Variants in TLK1 observed in about 807,000 individuals in gnomAD.
TLK1 encodes serine/threonine-protein kinase tousled-like 1.
Under a neutral mutation model 105.3 loss-of-function variants are expected in TLK1, and 24 were observed. That is an observed-to-expected ratio of 0.23 (90% confidence interval 0.17 to 0.32). The LOEUF is 0.32. TLK1 is among the 10% of genes least tolerant of loss of function. The pLI is 1.00. For synonymous variants in TLK1, 321 were observed against 310.4 expected (o/e 1.03, Z -0.36); for missense variants, 558 against 910.5 (o/e 0.61, Z 4.98).
intron 3 of TLK1, among the ~76,000 whole-genome samples, chr2:171,062,393 G>T (rs1687796350): frequency 1.3e-5 from 2 of 152,166 alleles, no homozygotes; most frequent in African/African-American, 4.8e-5. Flanking sequence ...TTAAATATAT[G>T]AATAACAATA....
intron 2 of TLK1, among the ~76,000 whole-genome samples, chr2:171,114,370 T>C (rs1348530076): frequency 6.6e-6 from 1 of 152,038 alleles, no homozygotes; most frequent in East Asian, 1.9e-4. Context: ...TTATCCCAGA[T>C]TATTTGGGTT....
intron 11 of TLK1, chr2:171,045,803 G>A (rs1047173763): frequency 1.2e-5 from 2 of 168,700 alleles, no homozygotes; most frequent in Admixed American, 6.3e-5. Context: ...TTCACAGGCT[G>A]AGAAAACATA....
intron 1 of TLK1, among the ~76,000 whole-genome samples, chr2:171,182,373 C>T (rs1692942319): frequency 1.3e-5 from 2 of 152,060 alleles, no homozygotes; most frequent in South Asian, 4.1e-4. Context: ...AAATTAATAC[C>T]ACCAGAAATG....
chr2:171,177,270 T>C (rs1210859174), intron 1 of TLK1, among the ~76,000 whole-genome samples: 2 of 151,910 alleles, frequency 1.3e-5, no homozygotes, highest in African/African-American at 2.4e-5. Flanking sequence ...GTCTCCAGAG[T>C]AGCTGGTACT....
At chr2:171,095,001 G>A (rs1021648622) in intron 2 of TLK1, among the ~76,000 whole-genome samples, 1 of 152,034 alleles carries the variant, frequency 6.6e-6, no homozygotes, top group Non-Finnish European at 1.5e-5. Flanking sequence ...CAAACATGCA[G>A]AAATTAAACA....
In TLK1 at chr2:171,160,704, G is replaced by A. The variant is rs1161634312; in HGVS notation, c.-276C>T. On this transcript the variant is annotated 5_prime_UTR_variant, in exon 1 of 21. Coordinates refer to ENST00000431350, the MANE Select transcript of TLK1 (RefSeq NM_012290.5). The surrounding 1 kb of genome is among the most constrained non-coding windows in gnomAD (Gnocchi z 4.4). Reference sequence around the variant, plus strand: ...GAGAGGAGGAGGAAAGGAGCGCGGCGGCGGAGGCGTCGAGGGGGTGCCAGC... The same window carrying A: ...GAGAGGAGGAGGAAAGGAGCGCGGCAGCGGAGGCGTCGAGGGGGTGCCAGC... 2 of 487,890 alleles carry A rather than the reference G, an allele frequency of 4.1e-6. No individual in the cohort carries two copies. The highest frequency in any genetic ancestry group is 4.1e-5 in the African/African-American group (2 of 49,102). 30.2% of individuals were successfully genotyped at this position (487,890 alleles called of 1,614,324 possible). A position where few individuals can be genotyped will look rare whatever the true frequency, so the allele number is the denominator to read the frequency against.
At chr2:171,063,849 G>C (rs560568539) in intron 3 of TLK1, among the ~76,000 whole-genome samples, 1 of 152,198 alleles carries the variant, frequency 6.6e-6, no homozygotes. Flanking sequence ...AGAGGGATGA[G>C]GTGGGAAGAT....
At chr2:171,116,426 C>T (rs1008186875) in intron 2 of TLK1, among the ~76,000 whole-genome samples, 1 of 152,084 alleles carries the variant, frequency 6.6e-6, no homozygotes, top group African/African-American at 2.4e-5. Context: ...ATAGGCCGAC[C>T]GTGGTGGCTC....
chr2:171,055,075 T>C lies in TLK1; in HGVS notation c.639+8A>G. 2.1e-6 allele frequency: 3 copies of C among 1,443,796 alleles called. No homozygotes were observed. The highest frequency in any genetic ancestry group is 2.7e-6 in the Non-Finnish European group (3 of 1,094,162). 89.4% of individuals were successfully genotyped at this position (1,443,796 alleles called of 1,614,324 possible). On this transcript the variant is annotated splice_region_variant and intron_variant, in intron 7 of 20. Transcript: ENST00000431350. The stretch of plus-strand genomic sequence containing the variant: ...GCCATAGAAAAAAACATTTTAATTA[T>C]CATTTACCTGAATAATTTTAAAGGA...
chr2:171,035,255 T>C (rs1017212091), intron 11 of TLK1, among the ~76,000 whole-genome samples: 2 of 151,918 alleles, frequency 1.3e-5, no homozygotes, highest in African/African-American at 2.4e-5. Context: ...GGAAGGAGAA[T>C]TGCTTGAACC....
chr2:171,005,009 C>T (rs1157727062), intron 18 of TLK1, among the ~76,000 whole-genome samples: 1 of 152,222 alleles, frequency 6.6e-6, no homozygotes, highest in Non-Finnish European at 1.5e-5. Flanking sequence ...GAAATCTATA[C>T]AGACAGTGGC....
At chr2:171,173,210 T>C (rs986657208) in intron 1 of TLK1, among the ~76,000 whole-genome samples, 2 of 152,198 alleles carry the variant, frequency 1.3e-5, no homozygotes, top group African/African-American at 4.8e-5. Flanking sequence ...ACTTGTATGC[T>C]CACTATTATT....
At chr2:171,165,738 C>G (rs1692595976), upstream of TLK1, among the ~76,000 whole-genome samples, 1 of 152,070 alleles carries the variant, frequency 6.6e-6, no homozygotes, top group African/African-American at 2.4e-5. Flanking sequence ...TGGTGAAGCC[C>G]CATCTCTACT....
At chr2:171,202,770 C>T (rs980451439) in intron 1 of TLK1, among the ~76,000 whole-genome samples, 3 of 151,994 alleles carry the variant, frequency 2.0e-5, no homozygotes, top group Admixed American at 6.6e-5. Context: ...CAAAACAAAA[C>T]AAAACAAAAA....
chr2:171,088,516 A>C (rs961184581), intron 2 of TLK1, among the ~76,000 whole-genome samples: 2 of 152,248 alleles, frequency 1.3e-5, no homozygotes, highest in Non-Finnish European at 2.9e-5. Flanking sequence ...ATCAAGCACA[A>C]TGGCTTAAAG....
At chr2:171,049,178 T>C (rs931801171) in intron 10 of TLK1, among the ~76,000 whole-genome samples, 1 of 152,188 alleles carries the variant, frequency 6.6e-6, no homozygotes, top group Non-Finnish European at 1.5e-5. Flanking sequence ...CTGGGTACTA[T>C]GCTCACTACC....
At chr2:171,106,746 C>G (rs980106591) in intron 2 of TLK1, among the ~76,000 whole-genome samples, 2 of 152,158 alleles carry the variant, frequency 1.3e-5, no homozygotes, top group Non-Finnish European at 2.9e-5. Flanking sequence ...ATTAATACTG[C>G]ATCTCACAAG....
intron 11 of TLK1, among the ~76,000 whole-genome samples, chr2:171,035,747 G>A (rs1686298083): frequency 6.6e-6 from 1 of 152,178 alleles, no homozygotes; most frequent in African/African-American, 2.4e-5. Context: ...CAGAGGGAAG[G>A]GGAGGCAGTG....
chr2:171,011,380 A>G lies in TLK1; in HGVS notation c.1409T>C (p.Val470Ala). ...HLLGRGGFSE[V>A]YKAFDLYEQR... ...GAATAAAACATACATTACCTTATAC[A>G]CTTCACTAAAGCCACCTCTACCAAG... Residue 470 changes from valine to alanine, a missense_variant, in exon 14 of 21, where the codon GTG (valine) becomes GCG (alanine). By Grantham distance (64) the Val-to-Ala change is moderately conservative (BLOSUM62 0). Coordinates refer to ENST00000431350, the MANE Select transcript of TLK1 (RefSeq NM_012290.5). 6.2e-7 allele frequency: 1 copy of G among 1,612,220 alleles called. No homozygotes were observed. Among genetic ancestry groups the G allele is most frequent in the Non-Finnish European group, 8.5e-7 (1 of 1,178,976 alleles).
Sources: gnomAD v4.1 joint callset for allele counts (sites outside exome capture counted in the v4.1 genomes callset) on GRCh38, gnomAD v4.1.1 for gene constraint, Gnocchi (gnomAD v3.1) non-coding constraint, MANE v1.5 for transcripts, NCBI Gene and HGNC (gene_info 2026-07-23, HGNC 2026-07-21) for gene names.